The following GRIK1 variants were observed in gnomAD, a reference collection of about 807,000 sequenced individuals.
GRIK1 encodes the protein glutamate ionotropic receptor kainate type subunit 1.
GRIK1 carries 69 observed loss-of-function variants against 105.7 expected under a neutral mutation model. That is an observed-to-expected ratio of 0.65 (90% CI 0.54 to 0.80). The LOEUF is 0.80. Among genes scored for constraint, GRIK1 ranks in the 30% least tolerant of loss-of-function variants. GRIK1 has a pLI of 0.00. For missense variants in GRIK1, 1,109 were observed against 1,167.3 expected (o/e 0.95, Z 0.73); for synonymous variants, 438 against 431.3 (o/e 1.02, Z -0.19).
chr21:29,598,422 T>A (rs363460), intron 8 of GRIK1, among the ~76,000 whole-genome samples: 1,753 of 152,340 alleles, frequency 0.012, 33 homozygotes, highest in African/African-American at 0.04. Flanking sequence ...TGGAATAAAA[T>A]GTGCAATTAA....
intron 1 of GRIK1, among the ~76,000 whole-genome samples, chr21:29,727,277 A>G (rs1170584712): frequency 1.3e-5 from 2 of 152,166 alleles, no homozygotes; most frequent in Non-Finnish European, 2.9e-5. Flanking sequence ...ATTTTTAGGG[A>G]TTTATATAAA....
intron 1 of GRIK1, among the ~76,000 whole-genome samples, chr21:29,914,819 C>T (rs938158439): frequency 2.0e-5 from 3 of 151,350 alleles, no homozygotes; most frequent in Non-Finnish European, 4.4e-5. Flanking sequence ...TTTGTGGGTG[C>T]AAAAAAAATA....
At chr21:29,803,745 G>GT (rs201977085) in intron 1 of GRIK1, among the ~76,000 whole-genome samples, 4,862 of 151,110 alleles carry the variant, frequency 0.032, 131 homozygotes, top group Middle Eastern at 0.072. Context: ...AAAAAAATAT[G>GT]TTTTTTTTTC....
chr21:29,806,393 T>C (rs559255775), intron 1 of GRIK1, among the ~76,000 whole-genome samples: 1 of 152,228 alleles, frequency 6.6e-6, no homozygotes, highest in African/African-American at 2.4e-5. Context: ...CTACAATAAG[T>C]TGACAGATTC....
chr21:29,823,734 CA>C (rs2067368887), intron 1 of GRIK1, among the ~76,000 whole-genome samples: 1 of 151,922 alleles, frequency 6.6e-6, no homozygotes, highest in Non-Finnish European at 1.5e-5. Flanking sequence ...TCTCTCTGTA[CA>C]TTGACCTATA....
At chr21:29,605,841 A>C (rs1186253143) in intron 7 of GRIK1, among the ~76,000 whole-genome samples, 1 of 152,062 alleles carries the variant, frequency 6.6e-6, no homozygotes, top group Non-Finnish European at 1.5e-5. Context: ...ATTGAGAGAG[A>C]CTTCTTATTC....
intron 7 of GRIK1, among the ~76,000 whole-genome samples, chr21:29,628,608 G>A (rs2062187180): frequency 1.3e-5 from 2 of 152,170 alleles, no homozygotes; most frequent in African/African-American, 4.8e-5. Flanking sequence ...TCTGGTTCAT[G>A]TGGTGGCTTG....
chr21:29,576,300 A>G (rs1268200237), intron 14 of GRIK1, among the ~76,000 whole-genome samples: 1 of 152,206 alleles, frequency 6.6e-6, no homozygotes, highest in Non-Finnish European at 1.5e-5. Context: ...TAAGTAATTA[A>G]AAAGACCTCA....
At chr21:29,715,407 G>A (rs189166881) in intron 1 of GRIK1, among the ~76,000 whole-genome samples, 1 of 152,174 alleles carries the variant, frequency 6.6e-6, no homozygotes, top group East Asian at 1.9e-4. Context: ...AGGCAAGGAG[G>A]CATTTACCTT....
chr21:29,562,050 G>A (rs1421627332), intron 14 of GRIK1, among the ~76,000 whole-genome samples: 1 of 152,166 alleles, frequency 6.6e-6, no homozygotes, highest in South Asian at 2.1e-4. Flanking sequence ...GCATTTGCAC[G>A]GAGGCAGCTA....
chr21:29,590,932 G>A (rs898761016), intron 10 of GRIK1, among the ~76,000 whole-genome samples, 180 bp downstream of exon 10: 10 of 152,208 alleles, frequency 6.6e-5, no homozygotes, highest in African/African-American at 1.9e-4. Flanking sequence ...TCAGAACAAC[G>A]TTGGAAGCGT....
intron 9 of GRIK1, among the ~76,000 whole-genome samples, chr21:29,592,771 A>G (rs1377828237): frequency 6.6e-6 from 1 of 152,218 alleles, no homozygotes; most frequent in Non-Finnish European, 1.5e-5. Flanking sequence ...TGGCTGCCTC[A>G]GTCATTTCTT....
At chr21:29,544,684 AG>A (rs1019173086) in intron 16 of GRIK1, among the ~76,000 whole-genome samples, 1 of 152,240 alleles carries the variant, frequency 6.6e-6, no homozygotes, top group Admixed American at 6.5e-5. Context: ...TACAACAGTC[AG>A]GTGTTTGAAA....
In GRIK1 at chr21:29,642,870, T is replaced by G. The variant is rs544812507; in HGVS notation, c.1054A>C (p.Lys352Gln). The change falls in exon 7 of 18, where the codon AAG (lysine) becomes CAG (glutamine). Residue 352 changes from lysine to glutamine, a missense_variant. Coordinates refer to ENST00000327783, the MANE Select transcript of GRIK1 (RefSeq NM_001330994.2). Reference sequence around the variant, plus strand: ...AATCTGGGTCCGAGGCGCCATGGCTTATGTCTATGGCACTGCAGGGAGCTG... The same window carrying G: ...AATCTGGGTCCGAGGCGCCATGGCTGATGTCTATGGCACTGCAGGGAGCTG... Reference protein sequence around the residue: ...TVSSLQCHRHKPWRLGPRFMN... With the variant: ...TVSSLQCHRHQPWRLGPRFMN... The G allele has an allele frequency of 6.8e-6, 11 of 1,613,784 alleles. 1 individual carries two copies. In the South Asian group the frequency reaches 1.2e-4, roughly 18 times the overall value.
At chr21:29,601,496 A>G (rs16984464) in intron 7 of GRIK1, among the ~76,000 whole-genome samples, 7,832 of 152,272 alleles carry the variant, frequency 0.051, 271 homozygotes, top group Admixed American at 0.097. Context: ...TGCCTAAGCT[A>G]CGTCTCCAGA....
In GRIK1 at chr21:29,561,847, T is replaced by C; in HGVS notation, c.2133A>G (p.Lys711=). 2 of 1,602,830 alleles carry C rather than the reference T, an allele frequency of 1.2e-6. No individual in the cohort carries two copies. The highest frequency in any genetic ancestry group is 1.7e-6 in the Non-Finnish European group (2 of 1,170,266). The change falls in exon 15 of 18, where the codon AAA becomes AAG. Residue 711 remains lysine (K), a splice_region_variant and synonymous_variant. Transcript: ENST00000327783. ...TCTTCTCATAGGTGGAGATTTTTGATTTCTGGAGGGAAAGAAAACACACTC... is the reference window on the plus strand; with the variant it reads ...TCTTCTCATAGGTGGAGATTTTTGACTTCTGGAGGGAAAGAAAACACACTC... ...RDGSTMTFFK[K]SKISTYEKMW... is the part of the protein sequence containing the mutation.
At chr21:29,864,983 C>A (rs183368236) in intron 1 of GRIK1, among the ~76,000 whole-genome samples, 12 of 152,296 alleles carry the variant, frequency 7.9e-5, no homozygotes, top group African/African-American at 2.9e-4. Flanking sequence ...ACATTCAGAA[C>A]AGTCCCACAA....
At chr21:29,724,353 G>A (rs1360095567) in intron 1 of GRIK1, among the ~76,000 whole-genome samples, 1 of 42,820 alleles carries the variant, frequency 2.3e-5, no homozygotes, top group South Asian at 1.3e-3. Flanking sequence ...TCTGAGATAC[G>A]ATTGTTGGGC....
At chr21:29,788,356 A>G (rs999591438) in intron 1 of GRIK1, among the ~76,000 whole-genome samples, 1 of 152,184 alleles carries the variant, frequency 6.6e-6, no homozygotes, top group African/African-American at 2.4e-5. Context: ...GAAAGCATTC[A>G]GGCAGAGGAT....
Sources: gnomAD v4.1 joint callset for allele counts (sites outside exome capture counted in the v4.1 genomes callset) on GRCh38, gnomAD v4.1.1 for gene constraint, MANE v1.5 for transcripts, NCBI Gene and HGNC (gene_info 2026-07-23, HGNC 2026-07-21) for gene names.